Variants in PRKG1 observed in about 807,000 individuals in gnomAD.
The protein encoded by PRKG1 is protein kinase cGMP-dependent 1.
A neutral mutation model predicts 88.1 loss-of-function variants in PRKG1; 35 were observed. The ratio of observed to expected loss-of-function variants is 0.40; its 90% CI spans 0.30 to 0.53. The LOEUF (loss-of-function observed/expected upper bound fraction) is 0.53. PRKG1 is among the 20% of genes least tolerant of loss of function. PRKG1 has a pLI of 0.59. For missense variants in PRKG1, 540 were observed against 839.8 expected (o/e 0.64, Z 4.41); for synonymous variants, 303 against 292.5 (o/e 1.04, Z -0.37).
At chr10:51,293,598 C>T (rs962897451) in intron 2 of PRKG1, among the ~76,000 whole-genome samples, 1 of 152,064 alleles carries the variant, frequency 6.6e-6, no homozygotes, top group Non-Finnish European at 1.5e-5. Flanking sequence ...TGTACCTATA[C>T]CGCATTTTCT....
chr10:51,834,355 G>A (rs1840073986), intron 4 of PRKG1, among the ~76,000 whole-genome samples: 1 of 152,082 alleles, frequency 6.6e-6, no homozygotes, highest in East Asian at 1.9e-4. Flanking sequence ...AAGTAAGGGA[G>A]GGGGGCAGGT....
At chr10:51,174,922 A>T (rs1388646237) in intron 2 of PRKG1, among the ~76,000 whole-genome samples, 1 of 151,988 alleles carries the variant, frequency 6.6e-6, no homozygotes. Flanking sequence ...GTTAAAGTTC[A>T]TCCAGTCCTC....
intron 3 of PRKG1, among the ~76,000 whole-genome samples, chr10:51,617,107 G>A (rs536453681): frequency 2.4e-4 from 37 of 152,212 alleles, no homozygotes; most frequent in Admixed American, 7.2e-4. Flanking sequence ...TTAGTTTTGA[G>A]ACCCATGAGG....
At chr10:51,525,272 AAGG>A (rs1278010327) in intron 3 of PRKG1, among the ~76,000 whole-genome samples, 1 of 151,690 alleles carries the variant, frequency 6.6e-6, no homozygotes, top group African/African-American at 2.4e-5. Flanking sequence ...GAAGGAAAAA[AAGG>A]AAGGAAGGAA....
chr10:52,125,134 T>C (rs1337358542), intron 7 of PRKG1, among the ~76,000 whole-genome samples: 1 of 152,192 alleles, frequency 6.6e-6, no homozygotes, highest in Non-Finnish European at 1.5e-5. Context: ...CATTATCAAG[T>C]ACTATGCAAG....
At chr10:52,147,577 A>G (rs1207485187) in intron 8 of PRKG1, among the ~76,000 whole-genome samples, 1 of 152,208 alleles carries the variant, frequency 6.6e-6, no homozygotes, top group Non-Finnish European at 1.5e-5. Context: ...TTTTATACCA[A>G]CAAAGTAAGT....
intron 2 of PRKG1, among the ~76,000 whole-genome samples, chr10:51,400,167 A>G (rs903105835): frequency 4.6e-5 from 7 of 152,204 alleles, no homozygotes; most frequent in South Asian, 2.1e-4. Context: ...TGGGAAAGAA[A>G]GAGCAATGAT....
intron 3 of PRKG1, among the ~76,000 whole-genome samples, chr10:51,592,778 C>G (rs944317215): frequency 1.3e-5 from 2 of 152,140 alleles, no homozygotes; most frequent in Admixed American, 1.3e-4. Context: ...TTAATTTTGA[C>G]TGGGGTCCAA....
At chr10:51,529,973 G>A (rs1416546643) in intron 3 of PRKG1, among the ~76,000 whole-genome samples, 1 of 152,042 alleles carries the variant, frequency 6.6e-6, no homozygotes, top group Non-Finnish European at 1.5e-5. Context: ...TCTTTTTTAA[G>A]TAGCCTGGAG....
intron 3 of PRKG1, among the ~76,000 whole-genome samples, chr10:51,598,474 A>C (rs12257340): frequency 0.078 from 11,897 of 152,162 alleles, 1,542 homozygotes; most frequent in African/African-American, 0.27. Context: ...GCATTTTGCC[A>C]TGTTGGCTAG....
At chr10:52,119,906 A>C (rs557495457) in intron 7 of PRKG1, among the ~76,000 whole-genome samples, 164 of 152,122 alleles carry the variant, frequency 1.1e-3, no homozygotes, top group African/African-American at 3.6e-3. Context: ...CATGAGAGAG[A>C]GACAGAGAAA....
intron 2 of PRKG1, among the ~76,000 whole-genome samples, chr10:51,450,558 C>T (rs917835992): frequency 1.9e-4 from 29 of 151,954 alleles, no homozygotes; most frequent in Non-Finnish European, 3.5e-4. Context: ...TTAAAGAATT[C>T]GACTTTGTCT....
intron 2 of PRKG1, among the ~76,000 whole-genome samples, chr10:51,428,925 G>A (rs1838677706): frequency 6.6e-6 from 1 of 152,170 alleles, no homozygotes; most frequent in Non-Finnish European, 1.5e-5. Flanking sequence ...GCCATTGTGT[G>A]CATTGAGGGC....
chr10:51,157,711 A>C (rs920564009), intron 2 of PRKG1, among the ~76,000 whole-genome samples: 2 of 151,918 alleles, frequency 1.3e-5, no homozygotes, highest in African/African-American at 4.8e-5. Flanking sequence ...GGAAGCAGAT[A>C]AATTTCATTT....
At chr10:51,870,297 G>A (rs1386017667) in intron 4 of PRKG1, among the ~76,000 whole-genome samples, 1 of 152,016 alleles carries the variant, frequency 6.6e-6, no homozygotes, top group East Asian at 1.9e-4. Flanking sequence ...TGATGATCAG[G>A]AATTAAAATT....
chr10:51,044,080 A>G (rs1303680377), intron 1 of PRKG1, among the ~76,000 whole-genome samples: 3 of 152,240 alleles, frequency 2.0e-5, no homozygotes, highest in African/African-American at 7.2e-5. Flanking sequence ...ACTTGGTCAA[A>G]GTCACAAAGT....
At chr10:51,039,891 A>G (rs951218826) in intron 1 of PRKG1, among the ~76,000 whole-genome samples, 7 of 152,086 alleles carry the variant, frequency 4.6e-5, no homozygotes, top group African/African-American at 1.7e-4. Context: ...CTGTAGATGT[A>G]TGGATTTGTT....
At chr10:51,659,798 T>G (rs1446005426) in intron 3 of PRKG1, among the ~76,000 whole-genome samples, 1 of 152,090 alleles carries the variant, frequency 6.6e-6, no homozygotes, top group Non-Finnish European at 1.5e-5. Context: ...TGAGAGACCC[T>G]GAATCCTAAG....
intron 1 of PRKG1, among the ~76,000 whole-genome samples, chr10:51,107,810 C>CAAAAA (rs150587434): frequency 1.6e-5 from 1 of 63,310 alleles, no homozygotes; most frequent in Admixed American, 2.0e-4. Flanking sequence ...AACCCTGTCT[C>CAAAAA]AAAAAAAAAA....
Sources: gnomAD v4.1 joint callset for allele counts (sites outside exome capture counted in the v4.1 genomes callset) on GRCh38, gnomAD v4.1.1 for gene constraint, MANE v1.5 for transcripts, NCBI Gene and HGNC (gene_info 2026-07-23, HGNC 2026-07-21) for gene names.